ARSG: variants seen among roughly 807,000 people sequenced by gnomAD.
The protein encoded by ARSG is arylsulfatase G.
In ARSG, 37 loss-of-function variants were observed where a neutral mutation model predicts 50.5. The ratio of observed to expected loss-of-function variants is 0.73; its 90% CI spans 0.56 to 0.96. The LOEUF is 0.96. ARSG is among the 50% of genes least tolerant of loss of function. The pLI, the probability that ARSG is intolerant of heterozygous loss-of-function variation, is 0.00. For missense variants in ARSG, 629 were observed against 675.3 expected (o/e 0.93, Z 0.76); for synonymous variants, 225 against 254.6 (o/e 0.88, Z 1.11).
downstream of ARSG, chr17:68,426,149 G>A (rs1023359077): frequency 5.0e-6 from 8 of 1,603,386 alleles, no homozygotes; most frequent in East Asian, 2.3e-5. Context: ...ACTTCTCCTC[G>A]CAGCGCCCCG....
At chr17:68,425,125 C>T (rs559384263), downstream of ARSG, among the ~76,000 whole-genome samples, 202 of 152,348 alleles carry the variant, frequency 1.3e-3, no homozygotes, top group Admixed American at 4.4e-3. Context: ...ACAGGCTGAG[C>T]AGGTTGCTGG....
chr17:68,434,651 T>G, the ARSG span: 1 of 1,612,668 alleles, frequency 6.2e-7, no homozygotes, highest in Non-Finnish European at 8.5e-7. Flanking sequence ...AGGTGGACAT[T>G]TCATAACCAT....
intron 11 of ARSG, chr17:68,413,530 G>A (rs2082148640): frequency 6.6e-6 from 1 of 152,058 alleles, no homozygotes; most frequent in Non-Finnish European, 1.5e-5. Context: ...TGTCAGACAG[G>A]GACATTTAAG....
the ARSG span, chr17:68,428,601 C>G: frequency 2.1e-6 from 1 of 473,470 alleles, no homozygotes; most frequent in South Asian, 2.2e-5. Flanking sequence ...GAGGGGGAGA[C>G]CATCTTGTGT....
In ARSG at chr17:68,378,371, C is replaced by A. The variant is rs1247115464; in HGVS notation, c.983-6693C>A. ...CCTGTTCTCAGGGCCCCCAGGCCCC[C>A]CTGCTTGTCTTCCCTTTCCTTTCCT... On this transcript the variant is annotated intron_variant, in intron 8 of 11. Transcript: ENST00000621439. This position sits in a 1 kb window ranked among gnomAD's most constrained non-coding sequence, Gnocchi z 4.4. 6.6e-6 allele frequency among the ~76,000 whole-genome samples: 1 copy of A among 152,254 alleles called. No individual in the cohort carries two copies. The highest frequency in any genetic ancestry group is 1.5e-5 in the Non-Finnish European group (1 of 68,046).
chr17:68,368,988 C>T (rs1052143113), intron 7 of ARSG, among the ~76,000 whole-genome samples: 5 of 152,328 alleles, frequency 3.3e-5, no homozygotes, highest in South Asian at 4.1e-4. Context: ...CGTTGTGTGT[C>T]GATTCAGGCT....
intron 2 of ARSG, among the ~76,000 whole-genome samples, chr17:68,329,934 G>A (rs1225830714): frequency 6.6e-6 from 1 of 152,228 alleles, no homozygotes; most frequent in African/African-American, 2.4e-5. Context: ...AAGACGCTGG[G>A]TGTGGTGGCT....
chr17:68,431,782 GA>G, the ARSG span, among the ~76,000 whole-genome samples: 5 of 152,204 alleles, frequency 3.3e-5, no homozygotes, highest in South Asian at 2.1e-4. Flanking sequence ...GTTGAGCGGA[GA>G]ACCCAGAACA....
At chr17:68,345,613 C>T (rs2078467085) in intron 3 of ARSG, among the ~76,000 whole-genome samples, 1 of 152,142 alleles carries the variant, frequency 6.6e-6, no homozygotes, top group South Asian at 2.1e-4. Context: ...AAATTAAAGA[C>T]CCACCAAAGG....
chr17:68,294,606 C>T (rs1398890092), intron 1 of ARSG, among the ~76,000 whole-genome samples: 12 of 152,140 alleles, frequency 7.9e-5, no homozygotes, highest in African/African-American at 2.7e-4. Flanking sequence ...CTTCGATGGC[C>T]CACCCACCCT....
At chr17:68,269,033 C>T (rs113350423) in intron 1 of ARSG, 1 of 1,593,776 alleles carries the variant, frequency 6.3e-7, no homozygotes, top group Non-Finnish European at 8.5e-7. Context: ...CTCCTTGTGT[C>T]CCCGTTGGGC....
chr17:68,348,864 G>A (rs910522366), intron 4 of ARSG, among the ~76,000 whole-genome samples: 1 of 152,186 alleles, frequency 6.6e-6, no homozygotes, highest in African/African-American at 2.4e-5. Context: ...GCCCTGGGCT[G>A]TTCCTCAGGT....
chr17:68,432,598 C>T, the ARSG span, among the ~76,000 whole-genome samples: 2 of 151,968 alleles, frequency 1.3e-5, no homozygotes, highest in African/African-American at 2.4e-5. Flanking sequence ...CATGTATCAG[C>T]GTGATAAGGT....
chr17:68,450,883 C>T, the ARSG span: 5 of 1,612,100 alleles, frequency 3.1e-6, no homozygotes, highest in East Asian at 4.5e-5. Flanking sequence ...ACGATGTAGA[C>T]GTCCGGGATT....
chr17:68,304,870 CT>C (rs1325460519), intron 1 of ARSG, among the ~76,000 whole-genome samples: 7 of 152,282 alleles, frequency 4.6e-5, no homozygotes, highest in African/African-American at 1.7e-4. Context: ...AACTCTGTTC[CT>C]CCTTATTAAA....
intron 1 of ARSG, chr17:68,278,239 C>T (rs2075587816): frequency 6.2e-7 from 1 of 1,614,194 alleles, no homozygotes; most frequent in East Asian, 2.2e-5. Flanking sequence ...AATGAAACAG[C>T]TACCGCCCAG....
intron 1 of ARSG, among the ~76,000 whole-genome samples, chr17:68,260,619 C>T (rs1555745019): frequency 6.6e-6 from 1 of 152,178 alleles, no homozygotes; most frequent in Non-Finnish European, 1.5e-5. Flanking sequence ...TCCCAAGTAG[C>T]TGGTATTACA....
At chr17:68,357,421 T>C (rs544038900) in intron 6 of ARSG, among the ~76,000 whole-genome samples, 7 of 152,332 alleles carry the variant, frequency 4.6e-5, no homozygotes, top group African/African-American at 1.7e-4. Flanking sequence ...TGTTGTTCAC[T>C]TGCATCTTCA....
At chr17:68,302,146 G>A (rs943031770) in intron 1 of ARSG, among the ~76,000 whole-genome samples, 6 of 152,072 alleles carry the variant, frequency 3.9e-5, no homozygotes, top group African/African-American at 7.2e-5. Flanking sequence ...AGAATGCGTT[G>A]GGGAGTTGCT....
Sources: gnomAD v4.1 joint callset for allele counts (sites outside exome capture counted in the v4.1 genomes callset) on GRCh38, gnomAD v4.1.1 for gene constraint, Gnocchi (gnomAD v3.1) non-coding constraint, MANE v1.5 for transcripts, NCBI Gene and HGNC (gene_info 2026-07-23, HGNC 2026-07-21) for gene names.